ITGB3BP: variants seen among roughly 807,000 people sequenced by gnomAD.
ITGB3BP encodes the protein centromere protein R.
In ITGB3BP, 27 loss-of-function variants were observed where a neutral mutation model predicts 29.1. The observed-to-expected ratio is 0.93, with a 90% CI of 0.68 to 1.28. ITGB3BP has a LOEUF of 1.28. Ranked by LOEUF, ITGB3BP falls within the 50% of genes most tolerant of loss-of-function variation. ITGB3BP has a pLI of 0.00. For synonymous variants in ITGB3BP, 61 were observed against 61.4 expected (o/e 0.99, Z 0.03); for missense variants, 192 against 200.2 (o/e 0.96, Z 0.25).
chr1:63,525,841 C>A, upstream of ITGB3BP: 1 of 930,866 alleles, frequency 1.1e-6, no homozygotes, highest in African/African-American at 1.7e-5. Context: ...TTAGAATTAC[C>A]TTGTTGAATC....
chr1:63,523,236 C>T (rs752746730), upstream of ITGB3BP: 912 of 1,506,860 alleles, frequency 6.1e-4, 3 homozygotes, highest in South Asian at 1.2e-3. Context: ...GAAAAGCGCG[C>T]GCTGGACGTT....
intron 4 of ITGB3BP, among the ~76,000 whole-genome samples, chr1:63,469,255 A>G (rs1645153516): frequency 6.6e-6 from 1 of 152,132 alleles, no homozygotes; most frequent in Admixed American, 6.6e-5. Context: ...TTTACTTACT[A>G]TGCTTTGTAA....
chr1:63,443,385 A>T (rs1644752888), intron 8 of ITGB3BP, among the ~76,000 whole-genome samples: 1 of 152,142 alleles, frequency 6.6e-6, no homozygotes, highest in Admixed American at 6.5e-5. Context: ...TAATGAGGGA[A>T]AAGGCATGCT....
chr1:63,501,862 GAA>G (rs137977362), intron 2 of ITGB3BP, among the ~76,000 whole-genome samples: 4 of 131,792 alleles, frequency 3.0e-5, no homozygotes, highest in Admixed American at 1.5e-4. Context: ...GCCCTGTCTC[GAA>G]AAAAAAAAAA....
At chr1:63,452,672 A>C (rs532852308) in intron 7 of ITGB3BP, among the ~76,000 whole-genome samples, 3 of 151,756 alleles carry the variant, frequency 2.0e-5, no homozygotes, top group Non-Finnish European at 4.4e-5. Context: ...CACATCCAAG[A>C]AAAAGCCACC....
chr1:63,509,227 G>GTGACAA (rs1646146374), intron 1 of ITGB3BP, among the ~76,000 whole-genome samples: 1 of 152,150 alleles, frequency 6.6e-6, no homozygotes, highest in Non-Finnish European at 1.5e-5. Flanking sequence ...CCAGCTGTTG[G>GTGACAA]TGACAATGCT....
chr1:63,525,826 T>C, upstream of ITGB3BP: 1 of 1,096,262 alleles, frequency 9.1e-7, no homozygotes, highest in South Asian at 1.6e-5. Context: ...TCCGAAAGAC[T>C]GAAATTAGAA....
intron 4 of ITGB3BP, among the ~76,000 whole-genome samples, chr1:63,473,524 G>A (rs1218800143): frequency 7.0e-6 from 1 of 142,916 alleles, no homozygotes; most frequent in Admixed American, 6.8e-5. Context: ...AGGGAGGTGG[G>A]GGGTCAGCCC....
chr1:63,521,271 A>AC (rs1298769590), intron 1 of ITGB3BP, among the ~76,000 whole-genome samples: 4 of 143,916 alleles, frequency 2.8e-5, no homozygotes, highest in African/African-American at 7.6e-5. Flanking sequence ...AAAAAAAAAA[A>AC]AACACTTAAT....
At chr1:63,442,233 C>G (rs535635925) in intron 8 of ITGB3BP, among the ~76,000 whole-genome samples, 1 of 152,150 alleles carries the variant, frequency 6.6e-6, no homozygotes, top group Non-Finnish European at 1.5e-5. Flanking sequence ...CTTCTGTCAA[C>G]TCTTCCTCTG....
intron 2 of ITGB3BP, among the ~76,000 whole-genome samples, chr1:63,493,087 C>CGCGCGCGT (rs1645695156): frequency 7.0e-6 from 1 of 141,998 alleles, no homozygotes; most frequent in South Asian, 2.2e-4. Context: ...CACACACACA[C>CGCGCGCGT]ACGCGCGCGC....
chr1:63,503,710 C>A (rs1305595126), intron 2 of ITGB3BP, among the ~76,000 whole-genome samples: 1 of 152,102 alleles, frequency 6.6e-6, no homozygotes, highest in Non-Finnish European at 1.5e-5. Context: ...GGAAGGGATC[C>A]AGTTTCAGCT....
intron 4 of ITGB3BP, among the ~76,000 whole-genome samples, chr1:63,456,935 A>C (rs1644943777): frequency 6.6e-6 from 1 of 152,178 alleles, no homozygotes; most frequent in South Asian, 2.1e-4. Flanking sequence ...AATCTTGGAG[A>C]CTTGTATGGA....
At chr1:63,528,669 T>C (rs1646640525) in intron 2 of ITGB3BP, among the ~76,000 whole-genome samples, 2 of 152,050 alleles carry the variant, frequency 1.3e-5, no homozygotes, top group African/African-American at 4.8e-5. Context: ...AATCTCATAT[T>C]ATACACCTAC....
At chr1:63,465,390 AAAGGTAT>A (rs1399744295) in intron 4 of ITGB3BP, among the ~76,000 whole-genome samples, 1 of 152,070 alleles carries the variant, frequency 6.6e-6, no homozygotes. Context: ...AAAGCTTACA[AAAGGTAT>A]TTATAGATAT....
intron 2 of ITGB3BP, among the ~76,000 whole-genome samples, chr1:63,492,797 CAAAA>C (rs1221753938): frequency 1.3e-5 from 2 of 151,792 alleles, no homozygotes; most frequent in South Asian, 2.1e-4. Flanking sequence ...AAACAAAAAA[CAAAA>C]AGAAAGAAAG....
At chr1:63,469,926 G>A (rs534446375) in intron 4 of ITGB3BP, among the ~76,000 whole-genome samples, 2 of 152,324 alleles carry the variant, frequency 1.3e-5, no homozygotes, top group African/African-American at 4.8e-5. Flanking sequence ...TTACCGGAAT[G>A]AGGGCAAGGA....
At chr1:63,444,725 G>C (rs1424294549) in intron 8 of ITGB3BP, among the ~76,000 whole-genome samples, 1 of 150,584 alleles carries the variant, frequency 6.6e-6, no homozygotes, top group Non-Finnish European at 1.5e-5. Context: ...TTACTTAACA[G>C]GATATAAAAA....
At chr1:63,445,608 T>C (rs540586116) in intron 8 of ITGB3BP, among the ~76,000 whole-genome samples, 2 of 149,818 alleles carry the variant, frequency 1.3e-5, no homozygotes, top group South Asian at 2.1e-4. Flanking sequence ...GAATTCTTTT[T>C]TTTTTTTTTG....
Sources: allele counts gnomAD v4.1 joint callset (sites outside exome capture counted in the v4.1 genomes callset), GRCh38; gene constraint gnomAD v4.1.1; transcripts MANE v1.5; gene names NCBI Gene and HGNC (gene_info 2026-07-23, HGNC 2026-07-21).